The following FSHR variants were observed in gnomAD, a reference collection of about 807,000 sequenced individuals.
FSHR encodes the protein follicle stimulating hormone receptor, also known as follicle-stimulating hormone receptor.
A neutral mutation model predicts 52.1 loss-of-function variants in FSHR; 46 were observed. The ratio of observed to expected loss-of-function variants is 0.88; its 90% CI spans 0.70 to 1.13. The LOEUF (loss-of-function observed/expected upper bound fraction) is 1.13. Among genes scored for constraint, FSHR ranks in the 50% most tolerant of loss-of-function variants. The pLI, the probability that FSHR is intolerant of heterozygous loss-of-function variation, is 0.00. For missense variants in FSHR, 964 were observed against 834.6 expected (o/e 1.16, Z -1.91); for synonymous variants, 399 against 309.6 (o/e 1.29, Z -3.03).
intron 9 of FSHR, among the ~76,000 whole-genome samples, chr2:48,968,244 A>C (rs949702902): frequency 6.6e-6 from 1 of 152,132 alleles, no homozygotes; most frequent in Admixed American, 6.5e-5. Context: ...AGAGGCTTAG[A>C]GTGATTGGGA....
chr2:49,093,387 A>T (rs1670687651), intron 1 of FSHR, among the ~76,000 whole-genome samples: 2 of 152,152 alleles, frequency 1.3e-5, no homozygotes, highest in Admixed American at 6.5e-5. Context: ...TGTTAGGTGC[A>T]TACACATTTA....
At chr2:49,007,546 A>G (rs2104168841) in intron 4 of FSHR, among the ~76,000 whole-genome samples, 1 of 152,248 alleles carries the variant, frequency 6.6e-6, no homozygotes, top group African/African-American at 2.4e-5. Flanking sequence ...TGTGCAGGAT[A>G]ATGTAGTTTT....
chr2:49,014,261 G>T (rs1375945334), intron 4 of FSHR, among the ~76,000 whole-genome samples: 1 of 152,100 alleles, frequency 6.6e-6, no homozygotes, highest in Non-Finnish European at 1.5e-5. Flanking sequence ...TCCTTAGAAA[G>T]CAGGTTTAAA....
intron 3 of FSHR, among the ~76,000 whole-genome samples, chr2:49,018,264 T>A (rs1667561083): frequency 6.6e-6 from 1 of 152,174 alleles, no homozygotes; most frequent in African/African-American, 2.4e-5. Context: ...TGGCTTGTGC[T>A]GTGTCTTGAT....
intron 1 of FSHR, among the ~76,000 whole-genome samples, chr2:49,089,740 A>T (rs532011482): frequency 4.1e-4 from 57 of 139,464 alleles, no homozygotes; most frequent in African/African-American, 1.4e-3. Context: ...GACAGTTCCT[A>T]ATTTGACAGT....
At chr2:49,055,556 A>C (rs866079157) in intron 2 of FSHR, among the ~76,000 whole-genome samples, 1,812 of 119,658 alleles carry the variant, frequency 0.015, 45 homozygotes, top group East Asian at 0.057. Flanking sequence ...AAAAAAAAAA[A>C]AAAAAAACCC....
chr2:48,970,212 C>T (rs987487188), intron 8 of FSHR, among the ~76,000 whole-genome samples: 15 of 152,152 alleles, frequency 9.9e-5, no homozygotes, highest in Non-Finnish European at 1.6e-4. Flanking sequence ...ATAATGGCTT[C>T]CTATTGTCCA....
chr2:49,012,839 T>C (rs1667321127), intron 4 of FSHR, among the ~76,000 whole-genome samples: 1 of 152,130 alleles, frequency 6.6e-6, no homozygotes, highest in African/African-American at 2.4e-5. Context: ...CTGTTAGGAC[T>C]CCTGCTCAGA....
intron 1 of FSHR, among the ~76,000 whole-genome samples, chr2:49,084,282 G>A (rs1200492208): frequency 1.3e-5 from 2 of 151,990 alleles, no homozygotes; most frequent in East Asian, 3.9e-4. Flanking sequence ...AAATAAAGAT[G>A]TTCTTTGAAA....
chr2:49,016,522 T>A (rs1023923835), intron 4 of FSHR, among the ~76,000 whole-genome samples: 1 of 152,094 alleles, frequency 6.6e-6, no homozygotes, highest in Admixed American at 6.6e-5. Flanking sequence ...GAGTGCCTCT[T>A]AGAGGAGGGC....
chr2:48,969,979 C>T (rs10195036), intron 8 of FSHR, among the ~76,000 whole-genome samples: 14,512 of 152,132 alleles, frequency 0.095, 858 homozygotes, highest in East Asian at 0.24. Flanking sequence ...AAGTGATGAC[C>T]AGGATGAGTT....
chr2:49,141,878 A>C (rs557147105), intron 1 of FSHR, among the ~76,000 whole-genome samples: 2 of 152,268 alleles, frequency 1.3e-5, no homozygotes, highest in Non-Finnish European at 2.9e-5. Flanking sequence ...GGTATATAAG[A>C]GATGTCAATT....
chr2:49,145,902 A>C (rs2103849489), intron 1 of FSHR, among the ~76,000 whole-genome samples: 1 of 152,206 alleles, frequency 6.6e-6, no homozygotes, highest in Non-Finnish European at 1.5e-5. Context: ...TTCAGGCTGG[A>C]GAAAATAGTA....
chr2:49,127,980 C>T (rs1672126827), intron 1 of FSHR, among the ~76,000 whole-genome samples: 1 of 149,780 alleles, frequency 6.7e-6, no homozygotes, highest in Non-Finnish European at 1.5e-5. Context: ...GCAACCTCTG[C>T]TTCCCAGGTT....
intron 4 of FSHR, among the ~76,000 whole-genome samples, chr2:49,004,798 A>G (rs2104159078): frequency 6.6e-6 from 1 of 152,260 alleles, no homozygotes; most frequent in Non-Finnish European, 1.5e-5. Context: ...TTGTCCTTAT[A>G]TCTGATTTCT....
At chr2:48,964,844 A>T (rs1285639873) in intron 9 of FSHR, among the ~76,000 whole-genome samples, 1 of 152,180 alleles carries the variant, frequency 6.6e-6, no homozygotes, top group East Asian at 1.9e-4. Flanking sequence ...CAGGTGATAA[A>T]TATTCAATCC....
At chr2:49,099,017 G>A (rs1481375842) in intron 1 of FSHR, among the ~76,000 whole-genome samples, 1 of 151,566 alleles carries the variant, frequency 6.6e-6, no homozygotes, top group Non-Finnish European at 1.5e-5. Context: ...TATGGTAAGT[G>A]TGGAAGAAAG....
At chr2:48,996,638 G>T (rs1198832116) in intron 4 of FSHR, among the ~76,000 whole-genome samples, 2 of 151,880 alleles carry the variant, frequency 1.3e-5, no homozygotes, top group South Asian at 2.1e-4. Context: ...GGGATAAAAG[G>T]CCCTAGATAG....
At chr2:49,090,870 G>T (rs772933702) in intron 1 of FSHR, among the ~76,000 whole-genome samples, 12 of 151,980 alleles carry the variant, frequency 7.9e-5, no homozygotes, top group Non-Finnish European at 1.0e-4. Context: ...TGTTTCCTTA[G>T]TGCTGAGCAT....
Sources: allele counts gnomAD v4.1 joint callset (sites outside exome capture counted in the v4.1 genomes callset), GRCh38; gene constraint gnomAD v4.1.1; transcripts MANE v1.5; gene names NCBI Gene and HGNC (gene_info 2026-07-23, HGNC 2026-07-21).